ABCA10: variants seen among roughly 807,000 people sequenced by gnomAD.
ABCA10 encodes the protein ATP-binding cassette sub-family A member 10.
In ABCA10, 169 loss-of-function variants were observed where a neutral mutation model predicts 187.5. The observed-to-expected ratio is 0.90, with a 90% CI of 0.80 to 1.02. The LOEUF (loss-of-function observed/expected upper bound fraction) is 1.02, where lower values mean the gene tolerates loss of function less well. Ranked by LOEUF, ABCA10 falls within the 50% of genes least tolerant of loss-of-function variation. The pLI is 0.00. For missense variants in ABCA10, 1,727 were observed against 1,812.4 expected (o/e 0.95, Z 0.86); for synonymous variants, 574 against 601.8 (o/e 0.95, Z 0.68).
intron 25 of ABCA10, among the ~76,000 whole-genome samples, chr17:69,170,219 T>C (rs536353666): frequency 6.7e-6 from 1 of 149,520 alleles, no homozygotes; most frequent in Non-Finnish European, 1.5e-5. Flanking sequence ...ACCCGCGAGG[T>C]GAAGGTTGCA....
chr17:69,152,158 T>C lies in ABCA10; in HGVS notation c.4282A>G (p.Lys1428Glu). 6.2e-7 allele frequency: 1 copy of C among 1,612,846 alleles called. No homozygotes were observed. The highest frequency in any genetic ancestry group is 2.2e-5 in the East Asian group (1 of 44,850). ...AAATAATCTCTACCAAACTTGTTTT[T>C]CAGATGTTGAATGGAACCAATACAC... ...LRCIGSIQHL[K>E]NKFGRDYLLE... Residue 1428 changes from lysine (K) to glutamate (E), a missense_variant, in exon 36 of 39, where the codon AAA (lysine) becomes GAA (glutamate). Lys to Glu is a moderately conservative substitution (Grantham distance 56). Coordinates refer to ENST00000690296, the MANE Select transcript of ABCA10 (RefSeq NM_001377321.1).
intron 9 of ABCA10, 135 bp downstream of exon 9, chr17:69,214,567 AGG>A (rs2074688433): frequency 1.4e-6 from 1 of 730,366 alleles, no homozygotes; most frequent in South Asian, 3.1e-5. Context: ...AATGGAAATG[AGG>A]AAATTCTATT....
chr17:69,157,314 A>G (rs984940968), intron 27 of ABCA10, among the ~76,000 whole-genome samples: 1 of 152,212 alleles, frequency 6.6e-6, no homozygotes, highest in African/African-American at 2.4e-5. Flanking sequence ...TGCCATGTCC[A>G]GGAGCAGAAG....
rs139291537 is a variant in ABCA10, at chr17:69,184,849, A to ATGTGTG, written c.2497+622_2497+627dup. 2.0e-3 allele frequency among the ~76,000 whole-genome samples: 288 copies of ATGTGTG among 144,156 alleles called. 1 individual carries two copies. Among genetic ancestry groups the ATGTGTG allele is most frequent in the African/African-American group, 7.5e-3 (279 of 37,072 alleles). 94.6% of individuals were successfully genotyped at this position (144,156 alleles called of 152,430 possible). A position where few individuals can be genotyped will look rare whatever the true frequency, so the allele number is the denominator to read the frequency against. On this transcript the variant is annotated intron_variant, in intron 20 of 38. Transcript: ENST00000690296. ...TTAAAAAAGTTATATATATATGTAT[A>ATGTGTG]TGTGTGTGTGTGTGTGTGTGTGTAT...
intron 21 of ABCA10, 145 bp from the exon 22 acceptor site, chr17:69,182,435 C>G: frequency 1.0e-6 from 1 of 969,474 alleles, no homozygotes; most frequent in East Asian, 3.0e-5. Context: ...TGAATTGGTA[C>G]AAGAATGCAT....
chr17:69,153,766 T>C (rs1895741727), intron 32 of ABCA10, 65 bp downstream of exon 32: 7 of 1,526,836 alleles, frequency 4.6e-6, no homozygotes, highest in Non-Finnish European at 4.4e-6. Flanking sequence ...CCTTTTAATA[T>C]ATAATGAAGA....
upstream of ABCA10, among the ~76,000 whole-genome samples, chr17:69,230,649 C>T (rs1388236841): frequency 6.6e-6 from 1 of 152,010 alleles, no homozygotes; most frequent in Non-Finnish European, 1.5e-5. Flanking sequence ...CCTGAAAGCA[C>T]GATGGCTTTC....
intron 11 of ABCA10, 140 bp downstream of exon 11, chr17:69,196,924 G>A: frequency 3.2e-6 from 2 of 617,034 alleles, no homozygotes; most frequent in East Asian, 2.9e-5. Context: ...CTCGGCAGGA[G>A]AATCAGGCAG....
At chr17:69,201,437 C>G in intron 10 of ABCA10, 63 bp downstream of exon 10, 1 of 1,333,660 alleles carries the variant, frequency 7.5e-7, no homozygotes. Context: ...AACATTTGAC[C>G]TGCAGCTTCA....
chr17:69,221,748 G>A, intron 5 of ABCA10, 44 bp downstream of exon 5: 1 of 1,506,014 alleles, frequency 6.6e-7, no homozygotes. Context: ...TAAAAAGAGG[G>A]AAGAATACAG....
At chr17:69,179,548 T>A (rs1214325212) in intron 22 of ABCA10, among the ~76,000 whole-genome samples, 1 of 152,072 alleles carries the variant, frequency 6.6e-6, no homozygotes, top group Admixed American at 6.6e-5. Context: ...TCCATTTCTA[T>A]TTACTCCACC....
At chr17:69,235,293 T>C (rs2074860318) in intron 1 of ABCA10, among the ~76,000 whole-genome samples, 2 of 152,230 alleles carry the variant, frequency 1.3e-5, no homozygotes, top group Non-Finnish European at 1.5e-5. Flanking sequence ...GAGGGATTTA[T>C]AACCGGTGAT....
chr17:69,202,035 G>A (rs2074550351), intron 9 of ABCA10, among the ~76,000 whole-genome samples: 2 of 152,190 alleles, frequency 1.3e-5, no homozygotes, highest in South Asian at 2.1e-4. Context: ...CGCCCACCTC[G>A]GCCTCCCAAA....
chr17:69,190,287 A>G, intron 18 of ABCA10, 71 bp downstream of exon 18: 1 of 1,441,316 alleles, frequency 6.9e-7, no homozygotes. Context: ...ATCTACAAAT[A>G]TGAATTAGAA....
At chr17:69,155,222 A>C in intron 29 of ABCA10, 86 bp from the exon 30 acceptor site, 2 of 1,026,518 alleles carry the variant, frequency 1.9e-6, no homozygotes, top group South Asian at 3.0e-5. Flanking sequence ...CCTAGTCTAT[A>C]AACCCAACTA....
chr17:69,154,115 G>A (rs185372264), intron 31 of ABCA10, 106 bp from the exon 32 acceptor site: 14 of 1,464,972 alleles, frequency 9.6e-6, no homozygotes, highest in Middle Eastern at 1.9e-4. Flanking sequence ...TTTTGAATAC[G>A]CAAGAGAAAT....
intron 29 of ABCA10, 46 bp downstream of exon 29, chr17:69,155,759 C>A (rs2074168733): frequency 1.3e-6 from 2 of 1,585,264 alleles, no homozygotes; most frequent in South Asian, 1.2e-5. Flanking sequence ...TTCTAGAGGA[C>A]AAACTATCTG....
At chr17:69,149,356 G>A (rs1392580582) in intron 37 of ABCA10, 1 of 400,732 alleles carries the variant, frequency 2.5e-6, no homozygotes, top group Non-Finnish European at 4.4e-6. Flanking sequence ...ATATGCTTTG[G>A]ACTCCAAATC....
intron 19 of ABCA10, 57 bp downstream of exon 19, chr17:69,187,624 T>TATTTGA: frequency 6.8e-7 from 1 of 1,478,584 alleles, no homozygotes; most frequent in Non-Finnish European, 9.2e-7. Flanking sequence ...ACTTTCTTAA[T>TATTTGA]ATTTGAATGT....
Sources: gnomAD v4.1 joint callset for allele counts (sites outside exome capture counted in the v4.1 genomes callset) on GRCh38, gnomAD v4.1.1 for gene constraint, MANE v1.5 for transcripts, NCBI Gene and HGNC (gene_info 2026-07-23, HGNC 2026-07-21) for gene names.